ACSS1: variants seen among roughly 807,000 people sequenced by gnomAD.
ACSS1 encodes the protein acyl-CoA synthetase short chain family member 1.
Under a neutral mutation model 75.3 loss-of-function variants are expected in ACSS1, and 42 were observed. That is an observed-to-expected ratio of 0.56 (90% confidence interval 0.44 to 0.72). The LOEUF (loss-of-function observed/expected upper bound fraction) is 0.72, where lower values mean the gene tolerates loss of function less well. ACSS1 is among the 30% of genes least tolerant of loss of function. ACSS1 has a pLI of 0.00. For synonymous variants in ACSS1, 380 were observed against 376.8 expected (o/e 1.01, Z -0.10); for missense variants, 782 against 935.7 (o/e 0.84, Z 2.14).
At chr20:25,033,734 G>A (rs1257600777) in intron 2 of ACSS1, among the ~76,000 whole-genome samples, 1 of 152,244 alleles carries the variant, frequency 6.6e-6, no homozygotes, top group Non-Finnish European at 1.5e-5. Flanking sequence ...GGTGTGCAGG[G>A]CACTGAGCAG....
At chr20:25,017,311 A>G (rs569805675) in intron 7 of ACSS1, among the ~76,000 whole-genome samples, 2 of 152,346 alleles carry the variant, frequency 1.3e-5, no homozygotes, top group African/African-American at 4.8e-5. Flanking sequence ...TGACGACTCA[A>G]CGGATTAAAT....
At chr20:25,055,577 G>A (rs992534072) in intron 1 of ACSS1, among the ~76,000 whole-genome samples, 5 of 152,194 alleles carry the variant, frequency 3.3e-5, no homozygotes, top group Non-Finnish European at 5.9e-5. Flanking sequence ...CATCTGAAGG[G>A]CTCGTTATAA....
chr20:25,021,967 G>A (rs963150003), intron 5 of ACSS1, among the ~76,000 whole-genome samples: 8 of 152,144 alleles, frequency 5.3e-5, no homozygotes, highest in African/African-American at 1.9e-4. Context: ...GCACAACCCA[G>A]ACCAAAGGAC....
chr20:25,052,488 C>G (rs971650854), intron 1 of ACSS1, among the ~76,000 whole-genome samples: 1 of 152,252 alleles, frequency 6.6e-6, no homozygotes, highest in African/African-American at 2.4e-5. Flanking sequence ...TGCCATTCCC[C>G]AAGGGCAGGG....
chr20:25,040,011 C>A (rs1388518845), intron 2 of ACSS1, among the ~76,000 whole-genome samples: 1 of 152,244 alleles, frequency 6.6e-6, no homozygotes, highest in African/African-American at 2.4e-5. Context: ...CAGCTGGTGC[C>A]CTGGCAGAAC....
chr20:25,039,019 A>C, intron 2 of ACSS1, among the ~76,000 whole-genome samples: 1 of 150,206 alleles, frequency 6.7e-6, no homozygotes. Flanking sequence ...ACTTGTCCTC[A>C]CCCCACCCTC....
rs1436089474 is a variant in ACSS1, at chr20:25,014,195, G to A, written c.1340-122C>T. On this transcript the variant is annotated intron_variant, in intron 8 of 13. Coordinates refer to ENST00000323482, the MANE Select transcript of ACSS1 (RefSeq NM_032501.4). The stretch of plus-strand genomic sequence containing the variant: ...CAAGGAAACGCCTCAGGGGCACAAC[G>A]ATCTTTGAGGCAAACCAGATGTGGG... 10 of 772,006 alleles carry A rather than the reference G, an allele frequency of 1.3e-5. No homozygotes were observed. In the East Asian group the frequency reaches 1.4e-4, roughly 10 times the overall value. The allele number at this position is 772,006 out of a possible 1,614,324, so 47.8% of individuals were successfully genotyped here.
intron 1 of ACSS1, among the ~76,000 whole-genome samples, chr20:25,053,058 A>G (rs2089196377): frequency 7.4e-6 from 1 of 135,266 alleles, no homozygotes; most frequent in South Asian, 2.3e-4. Context: ...ATTCACAATG[A>G]GCTTTTTTTT....
intron 2 of ACSS1, chr20:25,032,379 G>A: frequency 2.2e-6 from 3 of 1,383,652 alleles, no homozygotes; most frequent in South Asian, 1.7e-5. Flanking sequence ...CGGCCATGCG[G>A]TGCGAAGTGG....
chr20:25,030,470 C>T (rs965362834), intron 3 of ACSS1, among the ~76,000 whole-genome samples: 2 of 152,190 alleles, frequency 1.3e-5, no homozygotes, highest in Non-Finnish European at 2.9e-5. Context: ...GCACTACACC[C>T]ACCTGCACTA....
chr20:25,036,225 G>A (rs1036950573), intron 2 of ACSS1, among the ~76,000 whole-genome samples: 3 of 152,172 alleles, frequency 2.0e-5, no homozygotes, highest in Non-Finnish European at 2.9e-5. Flanking sequence ...CAAATGATGT[G>A]CACAAAAATA....
chr20:25,027,039 T>C (rs1208745072), intron 3 of ACSS1, among the ~76,000 whole-genome samples: 1 of 152,254 alleles, frequency 6.6e-6, no homozygotes. Flanking sequence ...CAGCTTAGCA[T>C]AATGCTGAAA....
At chr20:25,047,514 A>C (rs1036288076) in intron 2 of ACSS1, among the ~76,000 whole-genome samples, 1 of 152,200 alleles carries the variant, frequency 6.6e-6, no homozygotes, top group Admixed American at 6.5e-5. Flanking sequence ...AGACTTGCTA[A>C]GTAATTGGAC....
chr20:25,053,741 C>A lies in ACSS1; in HGVS notation c.334+4028G>T, dbSNP rs181422593. 2.1e-3 allele frequency among the ~76,000 whole-genome samples: 323 copies of A among 152,266 alleles called. 2 individuals are homozygous for A. Among genetic ancestry groups the A allele is most frequent in the African/African-American group, 7.4e-3 (307 of 41,542 alleles). On this transcript the variant is annotated intron_variant, in intron 1 of 13. Coordinates refer to ENST00000323482, the MANE Select transcript of ACSS1 (RefSeq NM_032501.4). ...TACAGCAAAAGGGCCTCTGTTCCTGCAATTAATCTCCAAAAAGCATCCAAG... is the reference window on the plus strand; with the variant it reads ...TACAGCAAAAGGGCCTCTGTTCCTGAAATTAATCTCCAAAAAGCATCCAAG...
intron 12 of ACSS1, chr20:25,009,821 G>T (rs1319568666): frequency 6.3e-6 from 1 of 159,892 alleles, no homozygotes; most frequent in Non-Finnish European, 1.4e-5. Flanking sequence ...ATGGTGCCAT[G>T]GGCCAGGGTA....
At position 25,006,896 on chromosome 20, in the gene ACSS1, T is replaced by C; in HGVS notation, c.*866A>G. On this transcript the variant is annotated 3_prime_UTR_variant, in exon 14 of 14. Transcript: ENST00000323482. ...ACAAGTCACCTGAGTTTCTAATAGC[T>C]TCCCTGAAGAACCCAACTATTTGGA... 1 of 1,535,468 alleles carries C rather than the reference T, an allele frequency of 6.5e-7. No homozygotes were observed. Among genetic ancestry groups the C allele is most frequent in the Non-Finnish European group, 8.7e-7 (1 of 1,146,732 alleles).
intron 6 of ACSS1, 134 bp from the exon 7 acceptor site, chr20:25,020,281 AC>A (rs1568833901): frequency 3.6e-6 from 4 of 1,118,396 alleles, no homozygotes; most frequent in Non-Finnish European, 5.0e-6. Context: ...GATCCCCCCA[AC>A]CCCCCACCCC....
chr20:25,030,381 G>C (rs767132917), intron 3 of ACSS1, among the ~76,000 whole-genome samples: 45 of 152,336 alleles, frequency 3.0e-4, no homozygotes, highest in Non-Finnish European at 4.7e-4. Context: ...CCTCAGGATA[G>C]AAGCCTTCCA....
At chr20:25,021,576 C>A (rs769610242) in intron 5 of ACSS1, 40 bp from the exon 6 acceptor site, 28 of 1,603,858 alleles carry the variant, frequency 1.7e-5, no homozygotes, top group African/African-American at 4.0e-5. Flanking sequence ...CTTGTCCCCC[C>A]ACTCCACCAT....
Sources: gnomAD v4.1 joint callset for allele counts (sites outside exome capture counted in the v4.1 genomes callset) on GRCh38, gnomAD v4.1.1 for gene constraint, MANE v1.5 for transcripts, NCBI Gene and HGNC (gene_info 2026-07-23, HGNC 2026-07-21) for gene names.